Variants in GPAT4 observed in about 807,000 individuals in gnomAD.
GPAT4 encodes the protein glycerol-3-phosphate acyltransferase 4, also known as 1-AGP acyltransferase 6.
Under a neutral mutation model 58.0 loss-of-function variants are expected in GPAT4, and 17 were observed. That is an observed-to-expected ratio of 0.29 (90% CI 0.20 to 0.44). The LOEUF (loss-of-function observed/expected upper bound fraction) is 0.44. Among genes scored for constraint, GPAT4 ranks in the 20% least tolerant of loss-of-function variants. The pLI is 1.00. For synonymous variants in GPAT4, 204 were observed against 210.1 expected, an observed-to-expected ratio of 0.97 and a Z score of 0.25; for missense variants, 377 against 574.5, an observed-to-expected ratio of 0.66 and a Z score of 3.51.
intron 1 of GPAT4, among the ~76,000 whole-genome samples, chr8:41,587,539 C>G (rs1802687757): frequency 6.6e-6 from 1 of 152,210 alleles, no homozygotes; most frequent in African/African-American, 2.4e-5. Context: ...GGTTTATACA[C>G]TTCTGCACTA....
intron 1 of GPAT4, among the ~76,000 whole-genome samples, chr8:41,587,550 C>A (rs1802688020): frequency 6.6e-6 from 1 of 152,208 alleles, no homozygotes; most frequent in Admixed American, 6.5e-5. Flanking sequence ...TTCTGCACTA[C>A]TGACATTTGG....
chr8:41,597,323 G>A (rs187251440), intron 1 of GPAT4, among the ~76,000 whole-genome samples: 176 of 152,286 alleles, frequency 1.2e-3, no homozygotes, highest in Non-Finnish European at 1.0e-3. Context: ...GGTGATTAGT[G>A]TGAAGCCAAA....
intron 10 of GPAT4, among the ~76,000 whole-genome samples, chr8:41,617,312 C>G (rs947209289): frequency 5.9e-5 from 9 of 151,968 alleles, no homozygotes; most frequent in African/African-American, 2.2e-4. Flanking sequence ...TGCAGTGAGC[C>G]GAGATAGCGC....
At chr8:41,615,998 A>G (rs1803585399) in intron 10 of GPAT4, among the ~76,000 whole-genome samples, 1 of 151,830 alleles carries the variant, frequency 6.6e-6, no homozygotes, top group African/African-American at 2.4e-5. Flanking sequence ...CCTGCAGGGG[A>G]CTCTGATTGA....
Position 41,610,802 on chromosome 8 carries a change from A to C in GPAT4, c.603A>C (p.Pro201=). Residue 201 remains proline, a synonymous_variant, in exon 5 of 13, where the codon CCA becomes CCC. Coordinates refer to ENST00000396987, the MANE Select transcript of GPAT4 (RefSeq NM_178819.4). Reference sequence around the variant, plus strand: ...GCACAACTGTGGTGGGATACTTGCCAAATGGGAGGTGAGTAGAGTGTGGCA... The same window carrying C: ...GCACAACTGTGGTGGGATACTTGCCCAATGGGAGGTGAGTAGAGTGTGGCA... The part of the protein sequence containing the change: ...VVGTTVVGYL[P]NGRFKEFMSK... 6.2e-7 allele frequency: 1 copy of C among 1,611,004 alleles called. No individual in the cohort carries two copies. Among genetic ancestry groups the C allele is most frequent in the Non-Finnish European group, 8.5e-7 (1 of 1,178,290 alleles).
intron 4 of GPAT4, 194 bp downstream of exon 4, chr8:41,610,149 A>C: frequency 1.4e-6 from 2 of 1,404,264 alleles, no homozygotes; most frequent in Non-Finnish European, 1.8e-6. Context: ...TGCATATCAG[A>C]CAGAAATAGT....
chr8:41,611,780 A>T (rs983819208), intron 5 of GPAT4, 123 bp from the exon 6 acceptor site: 36 of 772,454 alleles, frequency 4.7e-5, no homozygotes, highest in Non-Finnish European at 7.3e-5. Flanking sequence ...ACTTTCCTGT[A>T]GGTGCTGATG....
At chr8:41,619,247 A>G (rs763276523) in intron 12 of GPAT4, 25 of 510,154 alleles carry the variant, frequency 4.9e-5, no homozygotes, top group South Asian at 9.4e-5. Context: ...GACAGTGCCC[A>G]TCTCTGGGTG....
In GPAT4 at chr8:41,618,779, C is replaced by T. The variant is rs538868305; in HGVS notation, c.1149C>T (p.Cys383=). ...TGATGACCAGCTGGGCCATTGTCTG[C>T]AGCGTGTGGTACCTGCCTCCCATGA... ...LRMMTSWAIV[C]SVWYLPPMTR... is the part of the protein sequence containing the mutation. The change falls in exon 11 of 13, where the codon TGC becomes TGT. Residue 383 remains cysteine (C), a synonymous_variant. Coordinates refer to ENST00000396987, the MANE Select transcript of GPAT4 (RefSeq NM_178819.4). 1.2e-6 allele frequency: 2 copies of T among 1,614,270 alleles called. No individual in the cohort carries two copies. Among genetic ancestry groups the T allele is most frequent in the Admixed American group, 1.7e-5 (1 of 60,030 alleles).
chr8:41,590,696 G>A (rs569544528), intron 1 of GPAT4, among the ~76,000 whole-genome samples: 1 of 152,292 alleles, frequency 6.6e-6, no homozygotes, highest in South Asian at 2.1e-4. Context: ...GGAAGGAAAT[G>A]TAAGAAGTGG....
chr8:41,612,825 A>T lies in GPAT4; in HGVS notation c.796-20A>T. 6.2e-7 allele frequency: 1 copy of T among 1,606,580 alleles called. No individual in the cohort carries two copies. ...TGTGAAGATGGCTTCACTACTAATG[A>T]GTCCTGTGCCTGCGCTTAGGTGGGT... is the stretch of plus-strand genomic sequence containing the variant. On this transcript the variant is annotated intron_variant, in intron 7 of 12. Transcript: ENST00000396987.
intron 2 of GPAT4, among the ~76,000 whole-genome samples, chr8:41,607,594 A>G (rs1803317326): frequency 6.8e-6 from 1 of 147,886 alleles, no homozygotes; most frequent in Admixed American, 6.8e-5. Context: ...GCTGTAGTGC[A>G]GTGGTGCAAT....
chr8:41,612,937 G>A lies in GPAT4; in HGVS notation c.888G>A (p.Lys296=). 6.2e-7 allele frequency: 1 copy of A among 1,614,168 alleles called. No individual in the cohort carries two copies. Among genetic ancestry groups the A allele is most frequent in the Non-Finnish European group, 8.5e-7 (1 of 1,180,014 alleles). ...PHVWFERSEV[K]DRHLVAKRLT... Reference sequence around the variant, plus strand: ...TCTGGTTTGAGCGCTCGGAAGTGAAGGATCGCCACCTGGTGGCTAAGAGGT... The same window carrying A: ...TCTGGTTTGAGCGCTCGGAAGTGAAAGATCGCCACCTGGTGGCTAAGAGGT... The change falls in exon 8 of 13, where the codon AAG becomes AAA. Residue 296 remains lysine, a synonymous_variant. Transcript: ENST00000396987.
At chr8:41,619,910 C>T (rs985430139) in intron 12 of GPAT4, among the ~76,000 whole-genome samples, 4 of 152,192 alleles carry the variant, frequency 2.6e-5, no homozygotes, top group Non-Finnish European at 4.4e-5. Context: ...CCTGTGTGAT[C>T]GTCTCTTTCG....
At chr8:41,588,629 G>A (rs189187361) in intron 1 of GPAT4, among the ~76,000 whole-genome samples, 14 of 152,020 alleles carry the variant, frequency 9.2e-5, no homozygotes, top group East Asian at 1.9e-4. Flanking sequence ...GCTTGTTTCC[G>A]GATGGGCATA....
intron 10 of GPAT4, among the ~76,000 whole-genome samples, chr8:41,617,933 C>T (rs1335474878): frequency 1.3e-5 from 2 of 152,222 alleles, no homozygotes; most frequent in Non-Finnish European, 2.9e-5. Context: ...TAGAGCTTAC[C>T]TACCCTGCTC....
At chr8:41,597,935 C>T (rs1257959340) in intron 1 of GPAT4, among the ~76,000 whole-genome samples, 1 of 152,260 alleles carries the variant, frequency 6.6e-6, no homozygotes, top group Non-Finnish European at 1.5e-5. Context: ...CCTTTGGCTG[C>T]ATCTGTGCGG....
chr8:41,610,263 C>A, intron 4 of GPAT4: 1 of 1,260,902 alleles, frequency 7.9e-7, no homozygotes, highest in Non-Finnish European at 1.0e-6. Context: ...CTCATTCTTT[C>A]CTGAAGCTTG....
chr8:41,609,266 G>T, intron 2 of GPAT4, 150 bp from the exon 3 acceptor site: 1 of 775,432 alleles, frequency 1.3e-6, no homozygotes, highest in Non-Finnish European at 2.2e-6. Flanking sequence ...CTGGGGAGAG[G>T]TGGTTTGAGT....
Sources: allele counts gnomAD v4.1 joint callset (sites outside exome capture counted in the v4.1 genomes callset), GRCh38; gene constraint gnomAD v4.1.1; transcripts MANE v1.5; gene names NCBI Gene and HGNC (gene_info 2026-07-23, HGNC 2026-07-21).